MCU: variants seen among roughly 807,000 people sequenced by gnomAD.
MCU encodes the protein mitochondrial calcium uniporter, also known as calcium uniporter protein, mitochondrial.
A neutral mutation model predicts 45.2 loss-of-function variants in MCU; 12 were observed. The ratio of observed to expected loss-of-function variants is 0.27; its 90% CI spans 0.17 to 0.43. The LOEUF (loss-of-function observed/expected upper bound fraction) is 0.43. Ranked by LOEUF, MCU falls within the 20% of genes least tolerant of loss-of-function variation. The pLI is 1.00. For synonymous variants in MCU, 160 were observed against 165.1 expected (o/e 0.97, Z 0.24); for missense variants, 324 against 436.7 (o/e 0.74, Z 2.30).
At chr10:72,785,170 G>T (rs560364615) in intron 1 of MCU, among the ~76,000 whole-genome samples, 1 of 152,304 alleles carries the variant, frequency 6.6e-6, no homozygotes, top group Non-Finnish European at 1.5e-5. Flanking sequence ...AAGTGGTAGT[G>T]GTGGCTGCTC....
At chr10:72,744,265 T>A (rs1843379521) in intron 1 of MCU, among the ~76,000 whole-genome samples, 1 of 150,418 alleles carries the variant, frequency 6.6e-6, no homozygotes, top group South Asian at 2.1e-4. Context: ...TTTGGGTGCG[T>A]AATATTTTGG....
At chr10:72,864,876 AAC>A (rs1306963355) in intron 4 of MCU, among the ~76,000 whole-genome samples, 4 of 152,226 alleles carry the variant, frequency 2.6e-5, no homozygotes, top group Admixed American at 2.6e-4. Context: ...TCTTTAAAAT[AAC>A]AGAAGTACAG....
At chr10:72,772,364 C>T (rs974027107) in intron 1 of MCU, among the ~76,000 whole-genome samples, 1 of 152,190 alleles carries the variant, frequency 6.6e-6, no homozygotes, top group Non-Finnish European at 1.5e-5. Flanking sequence ...GAGGCAGTGA[C>T]TTAGCAATAT....
chr10:72,849,274 C>G (rs1845170336), intron 2 of MCU, among the ~76,000 whole-genome samples: 1 of 73,678 alleles, frequency 1.4e-5, no homozygotes. Context: ...GAGCAAGACT[C>G]CAAAAAAAAA....
chr10:72,880,484 G>A (rs927123329), intron 6 of MCU, among the ~76,000 whole-genome samples: 1 of 151,814 alleles, frequency 6.6e-6, no homozygotes, highest in African/African-American at 2.4e-5. Context: ...AAAGCGGGGG[G>A]GGGGAAACCC....
intron 1 of MCU, among the ~76,000 whole-genome samples, chr10:72,757,265 G>A (rs968243731): frequency 2.0e-5 from 3 of 152,088 alleles, no homozygotes; most frequent in Non-Finnish European, 4.4e-5. Context: ...GATTAGCAAC[G>A]GGAATCACCA....
intron 1 of MCU, among the ~76,000 whole-genome samples, chr10:72,704,704 ATTTTTTTTTTTT>A (rs1162093579): frequency 1.0e-4 from 11 of 106,748 alleles, no homozygotes; most frequent in African/African-American, 2.6e-4. Context: ...TGCCTGGATA[ATTTTTTTTTTTT>A]TTTTTTTTTT....
intron 2 of MCU, among the ~76,000 whole-genome samples, chr10:72,841,366 C>G (rs975677088): frequency 4.6e-5 from 7 of 152,072 alleles, no homozygotes. Flanking sequence ...CAATGGCACT[C>G]AGCTCACTGC....
chr10:72,856,981 C>T (rs1383846259), intron 2 of MCU, among the ~76,000 whole-genome samples: 2 of 149,784 alleles, frequency 1.3e-5, no homozygotes, highest in Admixed American at 6.7e-5. Context: ...GGGTCCCACT[C>T]GGTTGCTCAG....
intron 1 of MCU, among the ~76,000 whole-genome samples, chr10:72,820,701 G>A (rs1437240614): frequency 1.3e-5 from 2 of 152,042 alleles, no homozygotes; most frequent in Admixed American, 6.5e-5. Context: ...TAGTAGGGAC[G>A]GGGTTTGGCC....
intron 2 of MCU, 132 bp from the exon 3 acceptor site, chr10:72,859,045 A>G: frequency 1.2e-6 from 1 of 804,276 alleles, no homozygotes; most frequent in Admixed American, 3.0e-5. Context: ...GCTAAAGGGC[A>G]TGTTCTTAAA....
intron 1 of MCU, among the ~76,000 whole-genome samples, chr10:72,696,007 C>CA (rs1451645618): frequency 5.3e-5 from 8 of 150,722 alleles, no homozygotes; most frequent in African/African-American, 2.0e-4. Context: ...ACTAAAAAGA[C>CA]AAAAATTAGC....
At chr10:72,834,243 C>G (rs1322888191) in intron 1 of MCU, 116 bp from the exon 2 acceptor site, 6 of 595,754 alleles carry the variant, frequency 1.0e-5, no homozygotes, top group African/African-American at 1.9e-5. Context: ...TTAAAGTTTT[C>G]TACAAAGCAT....
chr10:72,781,612 T>A (rs1843994953), intron 1 of MCU, among the ~76,000 whole-genome samples: 1 of 152,244 alleles, frequency 6.6e-6, no homozygotes, highest in African/African-American at 2.4e-5. Flanking sequence ...CTGCAAAACT[T>A]AAGCAGATGT....
chr10:72,817,823 A>T (rs1285167526), intron 1 of MCU, among the ~76,000 whole-genome samples: 1 of 152,248 alleles, frequency 6.6e-6, no homozygotes, highest in East Asian at 1.9e-4. Context: ...AGTAGACAAT[A>T]CTAGAGCCTT....
chr10:72,712,862 T>A (rs1236044551), intron 1 of MCU, among the ~76,000 whole-genome samples: 1 of 152,234 alleles, frequency 6.6e-6, no homozygotes, highest in Non-Finnish European at 1.5e-5. Context: ...TGAACATTTT[T>A]GCAGAGTACA....
chr10:72,871,698 TACAC>T (rs1019227168), intron 6 of MCU, 118 bp downstream of exon 6: 1 of 768,828 alleles, frequency 1.3e-6, no homozygotes, highest in Non-Finnish European at 2.2e-6. Context: ...CCTTTACACA[TACAC>T]ACACATGTGC....
intron 1 of MCU, among the ~76,000 whole-genome samples, chr10:72,782,339 A>G (rs777098919): frequency 1.3e-5 from 2 of 151,930 alleles, no homozygotes; most frequent in Non-Finnish European, 2.9e-5. Flanking sequence ...CGTTTTTCTA[A>G]CTCGTACATA....
chr10:72,715,916 A>C, intron 1 of MCU: 1 of 983,916 alleles, frequency 1.0e-6, no homozygotes, highest in Non-Finnish European at 1.2e-6. Flanking sequence ...TGTGAAGATC[A>C]TGATTCATAA....
Sources: gnomAD v4.1 joint callset for allele counts (sites outside exome capture counted in the v4.1 genomes callset) on GRCh38, gnomAD v4.1.1 for gene constraint, MANE v1.5 for transcripts, NCBI Gene and HGNC (gene_info 2026-07-23, HGNC 2026-07-21) for gene names.